The following ARSB variants were observed in gnomAD, a reference collection of about 807,000 sequenced individuals.
The protein encoded by ARSB is arylsulfatase B, also known as N-acetylgalactosamine-4-sulfatase.
In ARSB, 41 loss-of-function variants were observed where a neutral mutation model predicts 50.9. The ratio of observed to expected loss-of-function variants is 0.81; its 90% CI spans 0.63 to 1.04. ARSB has a LOEUF of 1.04. Ranked by LOEUF, ARSB falls within the 50% of genes least tolerant of loss-of-function variation. The probability of loss-of-function intolerance (pLI) is 0.00; values close to 1 mark genes in which losing one functional copy is unlikely to be tolerated. For synonymous variants in ARSB, 269 were observed against 284.8 expected (o/e 0.94, Z 0.56); for missense variants, 672 against 693.3 (o/e 0.97, Z 0.35).
chr5:78,924,762 G>A (rs905449112), intron 4 of ARSB, among the ~76,000 whole-genome samples: 3 of 152,198 alleles, frequency 2.0e-5, no homozygotes, highest in Admixed American at 6.5e-5. Flanking sequence ...AGACTAGTAA[G>A]AGAGCAAGGA....
At chr5:78,864,760 G>T (rs58866633) in intron 5 of ARSB, among the ~76,000 whole-genome samples, 2 of 152,318 alleles carry the variant, frequency 1.3e-5, no homozygotes, top group South Asian at 4.1e-4. Context: ...ATACAAGGGG[G>T]ATACAGACAT....
rs1395754016 is a variant in ARSB at position 78,964,555 on chromosome 5, A to G, written c.551T>C (p.Ile184Thr). 2 of 1,613,910 alleles carry G rather than the reference A, an allele frequency of 1.2e-6. No homozygotes were observed. The highest frequency in any genetic ancestry group is 1.7e-6 in the Non-Finnish European group (2 of 1,179,948). The change falls in exon 3 of 8, where the codon ATT (isoleucine) becomes ACT (threonine). Residue 184 changes from isoleucine to threonine, a missense_variant. Transcript: ENST00000264914. ...DYYSHERCTL[I>T]DALNVTRCAL... is the part of the protein sequence containing the mutation. ...ACATCGTGTGACATTCAGAGCGTCA[A>G]TTAATGTACAGCGTTCATGGGAATA...
At chr5:78,872,319 T>G (rs1163974765) in intron 5 of ARSB, among the ~76,000 whole-genome samples, 2 of 151,378 alleles carry the variant, frequency 1.3e-5, no homozygotes, top group Non-Finnish European at 2.9e-5. Context: ...TTACTGGGCA[T>G]ATACCCAAAT....
Position 78,853,791 on chromosome 5 carries a change from C to T in ARSB, c.1143-14365G>A, listed in dbSNP as rs202115279. Among the ~76,000 whole-genome samples the T allele has an allele frequency of 1.7e-4, 26 of 152,360 alleles. No individual in the cohort carries two copies. In the East Asian group the frequency reaches 2.5e-3, roughly 15 times the overall value. On this transcript the variant is annotated intron_variant, in intron 5 of 7. Coordinates refer to ENST00000264914, the MANE Select transcript of ARSB (RefSeq NM_000046.5). Reference sequence around the variant, plus strand: ...GGTGCCCCTCCCCCAGCCTCGCTGCCGCCTTGCAGTTTGATCTCAGACTGC... The same window carrying T: ...GGTGCCCCTCCCCCAGCCTCGCTGCTGCCTTGCAGTTTGATCTCAGACTGC...
intron 4 of ARSB, among the ~76,000 whole-genome samples, chr5:78,935,365 A>G (rs1233877963): frequency 6.6e-6 from 1 of 152,224 alleles, no homozygotes; most frequent in African/African-American, 2.4e-5. Context: ...CTTCAGTAGA[A>G]GAAGGAGGAT....
At chr5:78,842,785 T>A (rs1745285488) in intron 5 of ARSB, among the ~76,000 whole-genome samples, 1 of 150,988 alleles carries the variant, frequency 6.6e-6, no homozygotes, top group South Asian at 2.1e-4. Context: ...TTTCCCTTTT[T>A]TTTTTTTTAG....
intron 4 of ARSB, among the ~76,000 whole-genome samples, chr5:78,886,295 A>T (rs1429789646): frequency 6.6e-6 from 1 of 152,190 alleles, no homozygotes; most frequent in Non-Finnish European, 1.5e-5. Context: ...TCTTGGAAAA[A>T]AAATTCTACA....
At chr5:78,969,726 C>T (rs1311225241) in intron 1 of ARSB, among the ~76,000 whole-genome samples, 1 of 152,152 alleles carries the variant, frequency 6.6e-6, no homozygotes, top group Non-Finnish European at 1.5e-5. Context: ...AAGTGATTCT[C>T]CTGCCTCAGC....
intron 5 of ARSB, among the ~76,000 whole-genome samples, chr5:78,871,998 G>T (rs546099129): frequency 6.6e-6 from 1 of 151,792 alleles, no homozygotes; most frequent in Non-Finnish European, 1.5e-5. Context: ...ATCAAAAAGC[G>T]GGCGAAGGAC....
chr5:78,922,025 C>G (rs1749834884), intron 4 of ARSB, among the ~76,000 whole-genome samples: 1 of 152,058 alleles, frequency 6.6e-6, no homozygotes, highest in Non-Finnish European at 1.5e-5. Flanking sequence ...TTAGACCAGC[C>G]CTGGCCAGAG....
chr5:78,920,192 C>T (rs1749739129), intron 4 of ARSB, among the ~76,000 whole-genome samples: 1 of 152,164 alleles, frequency 6.6e-6, no homozygotes, highest in South Asian at 2.1e-4. Flanking sequence ...GGCAGACTTA[C>T]TTTTCATTCA....
At chr5:78,826,525 TA>T (rs1383690772) in intron 6 of ARSB, among the ~76,000 whole-genome samples, 7 of 152,194 alleles carry the variant, frequency 4.6e-5, no homozygotes, top group Non-Finnish European at 8.8e-5. Context: ...ATATGTGCTC[TA>T]AAGAAAGGCA....
intron 6 of ARSB, among the ~76,000 whole-genome samples, chr5:78,786,361 T>C (rs1251987959): frequency 2.6e-5 from 4 of 152,228 alleles, no homozygotes; most frequent in Non-Finnish European, 4.4e-5. Context: ...AATATTCCTT[T>C]CATTCCTGTA....
intron 4 of ARSB, among the ~76,000 whole-genome samples, chr5:78,936,179 C>T (rs1323246601): frequency 7.3e-6 from 1 of 137,662 alleles, no homozygotes; most frequent in Admixed American, 7.5e-5. Context: ...GGCTGGAGTG[C>T]AGTGGCGCTA....
intron 1 of ARSB, among the ~76,000 whole-genome samples, chr5:78,980,673 T>C (rs1752862917): frequency 6.6e-6 from 1 of 152,084 alleles, no homozygotes; most frequent in Admixed American, 6.5e-5. Context: ...TATAAAAATA[T>C]ATAATTCAGA....
At chr5:78,914,937 T>C (rs912629100) in intron 4 of ARSB, among the ~76,000 whole-genome samples, 5 of 152,222 alleles carry the variant, frequency 3.3e-5, no homozygotes, top group African/African-American at 1.2e-4. Flanking sequence ...CTGGGATTTA[T>C]AGGTGGTAGC....
At position 78,781,892 on chromosome 5, in the gene ARSB, T is replaced by A. The variant is rs1471453713; in HGVS notation, c.1296A>T (p.Ala432=). The part of the protein sequence containing the change: ...YSAFNTSVHA[A]IRHGNWKLLT... ...GGAGTTTCCAATTTCCATGTCTAATTGCAGCATGGACAGATGTGTTAAAGG... is the reference window on the plus strand; with the variant it reads ...GGAGTTTCCAATTTCCATGTCTAATAGCAGCATGGACAGATGTGTTAAAGG... The change falls in exon 7 of 8, where the codon GCA becomes GCT. Residue 432 remains alanine, a synonymous_variant. Coordinates refer to ENST00000264914, the MANE Select transcript of ARSB (RefSeq NM_000046.5). 2.5e-6 allele frequency: 4 copies of A among 1,614,030 alleles called. No homozygotes were observed. In the African/African-American group the frequency reaches 4.0e-5, roughly 16 times the overall value.
At chr5:78,781,510 G>A (rs1484212143) in intron 7 of ARSB, among the ~76,000 whole-genome samples, 1 of 152,010 alleles carries the variant, frequency 6.6e-6, no homozygotes. Flanking sequence ...GTGTAATTGG[G>A]AACAGGCGGA....
intron 6 of ARSB, chr5:78,815,509 C>A: frequency 3.1e-6 from 3 of 980,672 alleles, no homozygotes; most frequent in African/African-American, 1.8e-5. Context: ...CAGTTAGCAA[C>A]CTGTGAAACT....
Sources: gnomAD v4.1 joint callset for allele counts (sites outside exome capture counted in the v4.1 genomes callset) on GRCh38, gnomAD v4.1.1 for gene constraint, MANE v1.5 for transcripts, NCBI Gene and HGNC (gene_info 2026-07-23, HGNC 2026-07-21) for gene names.